Variants in RHBDD1 observed in about 807,000 individuals in gnomAD.
RHBDD1 encodes the protein rhomboid domain containing 1, also known as rhomboid-related protein 4.
RHBDD1 carries 38 observed loss-of-function variants against 36.3 expected under a neutral mutation model. The ratio of observed to expected loss-of-function variants is 1.05; its 90% CI spans 0.81 to 1.37. The LOEUF (loss-of-function observed/expected upper bound fraction) is 1.37, where lower values mean the gene tolerates loss of function less well. Ranked by LOEUF, RHBDD1 falls within the 40% of genes most tolerant of loss-of-function variation. The probability of loss-of-function intolerance (pLI) is 0.00; values close to 1 mark genes in which losing one functional copy is unlikely to be tolerated. For synonymous variants in RHBDD1, 151 were observed against 136.5 expected (o/e 1.11, Z -0.74); for missense variants, 393 against 377.6 (o/e 1.04, Z -0.34).
intron 8 of RHBDD1, among the ~76,000 whole-genome samples, chr2:226,915,927 T>G (rs1948871942): frequency 6.6e-6 from 1 of 152,326 alleles, no homozygotes; most frequent in Non-Finnish European, 1.5e-5. Context: ...TAGCTGATTT[T>G]GGCTAGCGAG....
intron 5 of RHBDD1, among the ~76,000 whole-genome samples, chr2:226,874,666 AC>A (rs1307993188): frequency 6.6e-6 from 1 of 152,122 alleles, no homozygotes; most frequent in Non-Finnish European, 1.5e-5. Flanking sequence ...TTTAGGAGTC[AC>A]CCTGGTAATC....
chr2:226,876,256 A>G (rs1314978168), intron 5 of RHBDD1, among the ~76,000 whole-genome samples: 1 of 152,160 alleles, frequency 6.6e-6, no homozygotes, highest in Non-Finnish European at 1.5e-5. Flanking sequence ...AGATTTGCAG[A>G]ATTGGTGGCA....
the RHBDD1 span, among the ~76,000 whole-genome samples, chr2:226,818,126 A>G: frequency 6.9e-6 from 1 of 145,428 alleles, no homozygotes; most frequent in South Asian, 2.3e-4. Flanking sequence ...TGGTCCATCT[A>G]TAGTCTTTTA....
rs756942729 is a variant in RHBDD1, at chr2:226,865,069, G to A, written c.376G>A (p.Val126Ile). Residue 126 changes from valine (V) to isoleucine (I), a missense_variant, in exon 4 of 9, where the codon GTT becomes ATT. Coordinates refer to ENST00000392062, the MANE Select transcript of RHBDD1 (RefSeq NM_001167608.3). ...GVVYLLLQFAVAEFMDEPDFK... is the reference protein window; with the variant it reads ...GVVYLLLQFAIAEFMDEPDFK... ...GGTATACCTGCTCTTGCAATTTGCT[G>A]TTGCCGAATTTATGGATGAACCTGA... 5 of 1,614,042 alleles carry A rather than the reference G, an allele frequency of 3.1e-6. No individual in the cohort carries two copies. In the East Asian group the frequency reaches 8.9e-5, roughly 29 times the overall value.
intron 5 of RHBDD1, among the ~76,000 whole-genome samples, chr2:226,874,323 A>T (rs1179092277): frequency 2.0e-5 from 3 of 152,126 alleles, no homozygotes; most frequent in Admixed American, 1.3e-4. Flanking sequence ...TTCTCTATGG[A>T]TGTCAGGAAA....
chr2:226,846,494 A>C (rs756190851), intron 3 of RHBDD1, among the ~76,000 whole-genome samples: 12 of 152,194 alleles, frequency 7.9e-5, no homozygotes, highest in Non-Finnish European at 1.3e-4. Flanking sequence ...CTGTAATCCC[A>C]GCACTTTGGG....
upstream of RHBDD1, among the ~76,000 whole-genome samples, chr2:226,831,187 A>G (rs1015888508): frequency 3.9e-5 from 6 of 152,200 alleles, no homozygotes; most frequent in Admixed American, 2.6e-4. Context: ...GTATGATGGT[A>G]TAATTTCTTC....
chr2:226,923,216 A>G (rs1387257528), intron 8 of RHBDD1, among the ~76,000 whole-genome samples: 1 of 152,210 alleles, frequency 6.6e-6, no homozygotes, highest in Non-Finnish European at 1.5e-5. Context: ...TCTGGCATTG[A>G]TGAAATCTCT....
intron 3 of RHBDD1, among the ~76,000 whole-genome samples, chr2:226,844,799 G>A (rs532459051): frequency 6.6e-6 from 1 of 152,294 alleles, no homozygotes; most frequent in Non-Finnish European, 1.5e-5. Context: ...GAAGAAACTG[G>A]CTTATGATTG....
the RHBDD1 span, among the ~76,000 whole-genome samples, chr2:226,806,536 CAATA>C: frequency 6.6e-6 from 1 of 152,174 alleles, no homozygotes; most frequent in Non-Finnish European, 1.5e-5. Context: ...CAAGTTTGGT[CAATA>C]GTTTTTCTGA....
Position 226,864,845 on chromosome 2 carries a change from G to A in RHBDD1, c.152G>A (p.Ser51Asn), listed in dbSNP as rs758115498. Residue 51 changes from serine to asparagine, a missense_variant, in exon 4 of 9, where the codon AGC becomes AAC. Transcript: ENST00000392062. ...FFLNPQKPLY[S>N]SCLSVEKCYQ... is the part of the protein sequence containing the mutation. ...TTGAACCCTCAGAAGCCACTGTATA[G>A]CTCCTGCCTTAGTGTGGAGAAGTGT... The A allele has an allele frequency of 3.1e-6, 5 of 1,614,076 alleles. No homozygotes were observed. In the African/African-American group the frequency reaches 5.3e-5, roughly 17 times the overall value.
At chr2:226,914,395 G>GTT (rs1559266019) in intron 8 of RHBDD1, 44 bp downstream of exon 8, 12 of 1,569,638 alleles carry the variant, frequency 7.6e-6, no homozygotes, top group Non-Finnish European at 1.0e-5. Flanking sequence ...CATACCTCAT[G>GTT]TGGTAAGGTA....
chr2:226,968,173 T>C (rs952398113), intron 8 of RHBDD1, among the ~76,000 whole-genome samples: 1 of 152,160 alleles, frequency 6.6e-6, no homozygotes, highest in Non-Finnish European at 1.5e-5. Flanking sequence ...CTGGAAATGA[T>C]ATAAGAGTTG....
intron 8 of RHBDD1, among the ~76,000 whole-genome samples, chr2:226,960,773 C>T (rs1222620059): frequency 1.3e-5 from 2 of 152,172 alleles, no homozygotes; most frequent in African/African-American, 4.8e-5. Flanking sequence ...AGCAGTCACT[C>T]TCTTCAGCCA....
intron 3 of RHBDD1, among the ~76,000 whole-genome samples, chr2:226,841,278 A>G (rs1469698531): frequency 6.6e-6 from 1 of 152,026 alleles, no homozygotes; most frequent in South Asian, 2.1e-4. Flanking sequence ...GACTACAGAC[A>G]TGTGCCACCA....
chr2:226,931,818 C>G (rs1347100508), intron 8 of RHBDD1, among the ~76,000 whole-genome samples: 2 of 151,510 alleles, frequency 1.3e-5, no homozygotes, highest in Non-Finnish European at 2.9e-5. Context: ...TTTGGGTATT[C>G]TAGATCTTTT....
chr2:226,909,216 T>C (rs1295342997), intron 7 of RHBDD1, among the ~76,000 whole-genome samples: 1 of 152,146 alleles, frequency 6.6e-6, no homozygotes, highest in African/African-American at 2.4e-5. Context: ...TAAAAGTTGG[T>C]TTTAGGTGTA....
At chr2:226,988,243 G>C (rs1203868004) in intron 8 of RHBDD1, 1 of 1,219,822 alleles carries the variant, frequency 8.2e-7, no homozygotes, top group African/African-American at 1.5e-5. Flanking sequence ...GAGGTTGGGA[G>C]TAGGACTCAT....
chr2:226,988,477 A>G (rs1237310036), intron 8 of RHBDD1: 4 of 1,544,610 alleles, frequency 2.6e-6, no homozygotes, highest in African/African-American at 2.7e-5. Flanking sequence ...GGGTCCCTGT[A>G]GTGGAGTTGA....
Sources: allele counts gnomAD v4.1 joint callset (sites outside exome capture counted in the v4.1 genomes callset), GRCh38; gene constraint gnomAD v4.1.1; transcripts MANE v1.5; gene names NCBI Gene and HGNC (gene_info 2026-07-23, HGNC 2026-07-21).